Variants in RNF212 observed in about 807,000 individuals in gnomAD.
RNF212 encodes the protein ring finger protein 212.
Under a neutral mutation model 34.7 loss-of-function variants are expected in RNF212, and 33 were observed. The ratio of observed to expected loss-of-function variants is 0.95; its 90% CI spans 0.72 to 1.27. The LOEUF (loss-of-function observed/expected upper bound fraction) is 1.27, where lower values mean the gene tolerates loss of function less well. Among genes scored for constraint, RNF212 ranks in the 50% most tolerant of loss-of-function variants. RNF212 has a pLI of 0.00. For synonymous variants in RNF212, 140 were observed against 136.1 expected (o/e 1.03, Z -0.20); for missense variants, 377 against 362.2 (o/e 1.04, Z -0.33).
intron 5 of RNF212, among the ~76,000 whole-genome samples, chr4:1,083,353 T>G (rs189075001): frequency 1.4e-4 from 22 of 152,108 alleles, no homozygotes; most frequent in African/African-American, 5.1e-4. Context: ...GAACAAAAAC[T>G]CAATGGGGGC....
intron 2 of RNF212, among the ~76,000 whole-genome samples, chr4:1,103,897 A>C (rs1026983259): frequency 1.3e-5 from 2 of 152,224 alleles, no homozygotes; most frequent in Non-Finnish European, 2.9e-5. Flanking sequence ...TGTAAAAAAA[A>C]GGAAGCGCAT....
At chr4:1,112,044 G>A (rs1198021948) in intron 1 of RNF212, among the ~76,000 whole-genome samples, 2 of 152,158 alleles carry the variant, frequency 1.3e-5, no homozygotes, top group African/African-American at 2.4e-5. Flanking sequence ...CCATCTCTGT[G>A]AAAAATTAAA....
rs1718595941 is a variant in RNF212, at chr4:1,072,364, A to G, written c.*510T>C. ...AGATATTTGTTCAAACCCATAGAAC[A>G]TTCGACACCTAGAGTGAACCCTAAT... On this transcript the variant is annotated 3_prime_UTR_variant, in exon 10 of 10. Coordinates refer to ENST00000433731, the MANE Select transcript of RNF212 (RefSeq NM_001131034.4). The G allele has an allele frequency of 6.4e-6, 1 of 156,318 alleles. No homozygotes were observed. The highest frequency in any genetic ancestry group is 3.3e-3 in the Middle Eastern group (1 of 300). 9.7% of individuals were successfully genotyped at this position (156,318 alleles called of 1,614,324 possible).
chr4:1,088,309 G>T (rs1721661594), intron 4 of RNF212, among the ~76,000 whole-genome samples: 1 of 152,182 alleles, frequency 6.6e-6, no homozygotes, highest in Admixed American at 6.5e-5. Flanking sequence ...GAGGCATTTT[G>T]CTCCTGCCCT....
intron 4 of RNF212, among the ~76,000 whole-genome samples, chr4:1,088,202 ATGG>A (rs1721644954): frequency 1.3e-5 from 2 of 152,186 alleles, no homozygotes; most frequent in Non-Finnish European, 2.9e-5. Context: ...AGTGATATGG[ATGG>A]TGAAGTTCAG....
intron 4 of RNF212, among the ~76,000 whole-genome samples, chr4:1,057,340 C>A (rs10026482): frequency 1.3e-5 from 2 of 152,018 alleles, no homozygotes; most frequent in East Asian, 3.9e-4. Flanking sequence ...ATGGGAGGGT[C>A]TGCCTTTTAG....
At position 1,105,682 on chromosome 4, in the gene RNF212, C is replaced by A. The variant is rs549811167; in HGVS notation, c.171+2661G>T. Among the ~76,000 whole-genome samples the A allele has an allele frequency of 2.6e-5, 4 of 152,364 alleles. No homozygotes were observed. In the South Asian group the frequency reaches 8.3e-4, roughly 32 times the overall value. ...AACTGCTCTGTGAAACTGATTTCACCGAAGTGCTCACACACGGATGCACCC... is the reference window on the plus strand; with the variant it reads ...AACTGCTCTGTGAAACTGATTTCACAGAAGTGCTCACACACGGATGCACCC... On this transcript the variant is annotated intron_variant, in intron 2 of 9. Coordinates refer to ENST00000433731, the MANE Select transcript of RNF212 (RefSeq NM_001131034.4).
chr4:1,094,503 A>G (rs1005153907), intron 3 of RNF212, among the ~76,000 whole-genome samples: 2 of 152,308 alleles, frequency 1.3e-5, no homozygotes, highest in East Asian at 3.9e-4. Flanking sequence ...GAGGACTGGC[A>G]CAGCAGCTGG....
intron 3 of RNF212, chr4:1,093,286 C>T: frequency 1.3e-6 from 1 of 749,584 alleles, no homozygotes; most frequent in Non-Finnish European, 1.9e-6. Flanking sequence ...TGGTATTTAC[C>T]CTATTAGAAA....
intron 2 of RNF212, among the ~76,000 whole-genome samples, chr4:1,106,604 C>T (rs1724870957): frequency 6.6e-6 from 1 of 152,156 alleles, no homozygotes; most frequent in Non-Finnish European, 1.5e-5. Context: ...CACAGAAAGA[C>T]ACGGATGGTC....
chr4:1,111,993 G>C (rs1725743398), intron 1 of RNF212, among the ~76,000 whole-genome samples: 1 of 152,236 alleles, frequency 6.6e-6, no homozygotes, highest in Non-Finnish European at 1.5e-5. Flanking sequence ...GTGATTGTTA[G>C]AGGACAGGAA....
intron 3 of RNF212, among the ~76,000 whole-genome samples, chr4:1,092,331 G>A (rs372395699): frequency 4.6e-5 from 7 of 152,334 alleles, no homozygotes; most frequent in African/African-American, 1.7e-4. Context: ...AGTCTCCAAG[G>A]GGACCTGAGC....
chr4:1,088,919 GAGA>G (rs1292066123), intron 4 of RNF212, among the ~76,000 whole-genome samples: 2 of 152,280 alleles, frequency 1.3e-5, no homozygotes, highest in South Asian at 4.1e-4. Flanking sequence ...ACCTAGATTT[GAGA>G]AGATGTATGG....
chr4:1,089,558 T>C (rs77029034), intron 4 of RNF212, among the ~76,000 whole-genome samples: 3,043 of 152,226 alleles, frequency 0.02, 78 homozygotes, highest in East Asian at 0.12. Context: ...TGGGAAGGTA[T>C]GATTGTGTTT....
At chr4:1,079,565 C>T (rs954298453) in intron 8 of RNF212, 78 bp downstream of exon 8, 16 of 994,244 alleles carry the variant, frequency 1.6e-5, no homozygotes, top group Admixed American at 3.4e-5. Flanking sequence ...CGAGAGGTTA[C>T]GTTTTTCACT....
chr4:1,101,268 T>C, intron 2 of RNF212: 1 of 333,562 alleles, frequency 3.0e-6, no homozygotes, highest in Non-Finnish European at 5.9e-6. Context: ...CTTCTGGTCT[T>C]TTGTCCCTTT....
chr4:1,090,879 G>A (rs749603243), intron 3 of RNF212, 41 bp from the exon 4 acceptor site: 8 of 1,305,982 alleles, frequency 6.1e-6, no homozygotes, highest in Middle Eastern at 2.1e-4. Flanking sequence ...ACAGATCCAC[G>A]GTCTCTGTGG....
chr4:1,109,010 C>CT (rs71168810), intron 1 of RNF212, among the ~76,000 whole-genome samples: 68,525 of 135,436 alleles, frequency 0.51, 18,918 homozygotes, highest in South Asian at 0.65. Flanking sequence ...CATAATTAGC[C>CT]TTTTTTTTTT....
chr4:1,067,047 C>A (rs34688717), downstream of RNF212, among the ~76,000 whole-genome samples: 8,983 of 152,254 alleles, frequency 0.059, 372 homozygotes, highest in Admixed American at 0.11. Context: ...CTCAAAAAAA[C>A]TGTCCTTTCC....
Sources: allele counts gnomAD v4.1 joint callset (sites outside exome capture counted in the v4.1 genomes callset), GRCh38; gene constraint gnomAD v4.1.1; transcripts MANE v1.5; gene names NCBI Gene and HGNC (gene_info 2026-07-23, HGNC 2026-07-21).